Variants in ARHGAP15 observed in about 807,000 individuals in gnomAD.
The protein encoded by ARHGAP15 is Rho GTPase activating protein 15.
ARHGAP15 carries 51 observed loss-of-function variants against 63.7 expected under a neutral mutation model. That is an observed-to-expected ratio of 0.80 (90% CI 0.64 to 1.01). ARHGAP15 has a LOEUF of 1.01. Among genes scored for constraint, ARHGAP15 ranks in the 50% least tolerant of loss-of-function variants. The pLI is 0.00. For missense variants in ARHGAP15, 560 were observed against 564.6 expected, an observed-to-expected ratio of 0.99 and a Z score of 0.08; for synonymous variants, 191 against 193.8, an observed-to-expected ratio of 0.99 and a Z score of 0.12.
intron 6 of ARHGAP15, among the ~76,000 whole-genome samples, chr2:143,337,722 T>C (rs968128981): frequency 1.3e-5 from 2 of 152,120 alleles, no homozygotes; most frequent in Non-Finnish European, 2.9e-5. Context: ...CAGCAATGAC[T>C]GGCAAAATAT....
At chr2:143,762,816 A>G (rs1308927871) in intron 13 of ARHGAP15, among the ~76,000 whole-genome samples, 2 of 152,082 alleles carry the variant, frequency 1.3e-5, no homozygotes, top group Admixed American at 6.6e-5. Flanking sequence ...TTGGAATGCC[A>G]TTTTTCGTGA....
chr2:143,440,895 T>C (rs775972006), intron 8 of ARHGAP15, among the ~76,000 whole-genome samples: 3 of 152,182 alleles, frequency 2.0e-5, no homozygotes, highest in Non-Finnish European at 4.4e-5. Flanking sequence ...GAAAGAGAAT[T>C]GTCTTCCACT....
intron 6 of ARHGAP15, among the ~76,000 whole-genome samples, chr2:143,254,202 T>A (rs1240083069): frequency 6.6e-6 from 1 of 152,120 alleles, no homozygotes; most frequent in Non-Finnish European, 1.5e-5. Context: ...CAACATAATC[T>A]TAAATAATCC....
chr2:143,386,551 G>A (rs1405138898), intron 6 of ARHGAP15, among the ~76,000 whole-genome samples: 2 of 152,186 alleles, frequency 1.3e-5, no homozygotes, highest in African/African-American at 4.8e-5. Flanking sequence ...AAATATTAGT[G>A]AGAAATAGAC....
At chr2:143,316,605 A>G (rs191816149) in intron 6 of ARHGAP15, among the ~76,000 whole-genome samples, 81 of 148,274 alleles carry the variant, frequency 5.5e-4, no homozygotes, top group African/African-American at 1.9e-3. Flanking sequence ...ATATTTTAAT[A>G]TATATAACAT....
At position 143,516,347 on chromosome 2, in the gene ARHGAP15, A is replaced by G. The variant is rs577458977; in HGVS notation, c.827-2919A>G. On this transcript the variant is annotated intron_variant, in intron 9 of 13. Transcript: ENST00000295095. ...TTCTCATATCCACCTGTCTAAAACA[A>G]AACAATTTCTCCAAACACAAACTCT... Among the ~76,000 whole-genome samples, 9 of 152,306 alleles carry G rather than the reference A, an allele frequency of 5.9e-5. No homozygotes were observed. The South Asian group carries it at 1.9e-3, about 32-fold the overall frequency.
At chr2:143,393,918 A>C (rs1457926515) in intron 6 of ARHGAP15, among the ~76,000 whole-genome samples, 3 of 152,130 alleles carry the variant, frequency 2.0e-5, no homozygotes, top group African/African-American at 7.2e-5. Context: ...AATACTTCTC[A>C]GTAAACATTT....
At chr2:143,236,684 G>C (rs1258317890) in intron 5 of ARHGAP15, 1 of 152,128 alleles carries the variant, frequency 6.6e-6, no homozygotes, top group Non-Finnish European at 1.5e-5. Context: ...CATTTCTGAA[G>C]GATGTATAGG....
intron 2 of ARHGAP15, among the ~76,000 whole-genome samples, chr2:143,200,467 C>T (rs1367871807): frequency 1.3e-5 from 2 of 151,328 alleles, no homozygotes; most frequent in Admixed American, 6.6e-5. Context: ...GTAACCAGAA[C>T]CAAAAACAAT....
At chr2:143,413,966 T>TGCGC (rs1553476592) in intron 6 of ARHGAP15, among the ~76,000 whole-genome samples, 33 of 117,924 alleles carry the variant, frequency 2.8e-4, no homozygotes, top group African/African-American at 9.6e-4. Flanking sequence ...TGTGTGTGTG[T>TGCGC]GCGCGCTCTC....
chr2:143,466,065 T>A (rs1010104457), intron 8 of ARHGAP15, among the ~76,000 whole-genome samples: 20 of 152,064 alleles, frequency 1.3e-4, no homozygotes, highest in African/African-American at 4.1e-4. Flanking sequence ...TTTTTTTTTT[T>A]ATTTTCTTTG....
intron 13 of ARHGAP15, among the ~76,000 whole-genome samples, chr2:143,710,150 CTCTCTCTTT>C (rs1254279043): frequency 9.5e-6 from 1 of 105,336 alleles, no homozygotes; most frequent in Non-Finnish European, 2.5e-5. Context: ...TTTTCTTTTA[CTCTCTCTTT>C]TCTTTTTTTT....
chr2:143,643,257 G>A (rs368779377), intron 12 of ARHGAP15, among the ~76,000 whole-genome samples: 45 of 151,960 alleles, frequency 3.0e-4, no homozygotes, highest in Non-Finnish European at 4.0e-4. Flanking sequence ...TTTGGCTATC[G>A]CCCAAATATA....
rs1689486989 is a variant in ARHGAP15 at position 143,433,776 on chromosome 2, A to G, written c.475-1825A>G. On this transcript the variant is annotated intron_variant, in intron 6 of 13. Transcript: ENST00000295095. ...ATAATTTTAATAATGGTTTATTTAT[A>G]CTGGCAGAGAAACATTACATTGTAC... Among the ~76,000 whole-genome samples, 3 of 152,046 alleles carry G rather than the reference A, an allele frequency of 2.0e-5. No individual in the cohort carries two copies. The South Asian group carries it at 6.2e-4, about 31-fold the overall frequency.
chr2:143,493,535 T>A (rs1006291971), intron 9 of ARHGAP15, among the ~76,000 whole-genome samples: 6 of 152,228 alleles, frequency 3.9e-5, no homozygotes, highest in African/African-American at 1.2e-4. Flanking sequence ...TGCACAGTGT[T>A]CTTCCCCTAC....
At chr2:143,186,469 ATG>A (rs1691453037) in intron 2 of ARHGAP15, among the ~76,000 whole-genome samples, 1 of 152,138 alleles carries the variant, frequency 6.6e-6, no homozygotes, top group South Asian at 2.1e-4. Flanking sequence ...GTTCCTAGGT[ATG>A]TTTTGCACCT....
chr2:143,605,776 G>A (rs748730409), intron 11 of ARHGAP15, among the ~76,000 whole-genome samples: 2 of 150,290 alleles, frequency 1.3e-5, no homozygotes, highest in Non-Finnish European at 3.0e-5. Flanking sequence ...CACTTTGGGA[G>A]GCAGAGGCAG....
At chr2:143,626,663 C>T (rs996207048) in intron 12 of ARHGAP15, among the ~76,000 whole-genome samples, 10 of 152,190 alleles carry the variant, frequency 6.6e-5, no homozygotes, top group South Asian at 2.1e-4. Flanking sequence ...CAATCCTCCC[C>T]GCGATTGGCT....
At chr2:143,140,447 CA>C (rs1223296827) in intron 1 of ARHGAP15, among the ~76,000 whole-genome samples, 2 of 151,902 alleles carry the variant, frequency 1.3e-5, no homozygotes, top group African/African-American at 2.4e-5. Flanking sequence ...TAAAATGAAG[CA>C]AAGAAAAACA....
Sources: allele counts gnomAD v4.1 joint callset (sites outside exome capture counted in the v4.1 genomes callset), GRCh38; gene constraint gnomAD v4.1.1; transcripts MANE v1.5; gene names NCBI Gene and HGNC (gene_info 2026-07-23, HGNC 2026-07-21).